Variants in CSRNP3 observed in about 807,000 individuals in gnomAD.
The protein encoded by CSRNP3 is cysteine/serine-rich nuclear protein 3.
In CSRNP3, 12 loss-of-function variants were observed where a neutral mutation model predicts 48.0. That is an observed-to-expected ratio of 0.25 (90% CI 0.16 to 0.41). The LOEUF is 0.41. CSRNP3 is among the 10% of genes least tolerant of loss of function. CSRNP3 has a pLI of 1.00. For synonymous variants in CSRNP3, 263 were observed against 269.7 expected (o/e 0.98, Z 0.24); for missense variants, 580 against 724.4 (o/e 0.80, Z 2.29).
At chr2:165,667,220 G>A (rs904620225) in intron 5 of CSRNP3, among the ~76,000 whole-genome samples, 8 of 152,164 alleles carry the variant, frequency 5.3e-5, no homozygotes, top group Non-Finnish European at 8.8e-5. Flanking sequence ...GTAATCCATG[G>A]GGTCTGAGAT....
intron 4 of CSRNP3, among the ~76,000 whole-genome samples, chr2:165,632,064 GA>G (rs1373048400): frequency 6.6e-6 from 1 of 152,186 alleles, no homozygotes; most frequent in East Asian, 1.9e-4. Context: ...GCCAGGCCTA[GA>G]AATGATAACA....
chr2:165,529,786 G>T (rs1300045968), intron 3 of CSRNP3, among the ~76,000 whole-genome samples: 1 of 152,128 alleles, frequency 6.6e-6, no homozygotes, highest in African/African-American at 2.4e-5. Context: ...GGGCACACAG[G>T]TGACTTTGTT....
intron 2 of CSRNP3, among the ~76,000 whole-genome samples, chr2:165,506,615 G>A (rs1684429712): frequency 6.6e-6 from 1 of 152,098 alleles, no homozygotes; most frequent in South Asian, 2.1e-4. Flanking sequence ...TCCAGTCTGA[G>A]GGGTGGCGGC....
chr2:165,474,597 G>T (rs1247553630), intron 1 of CSRNP3, among the ~76,000 whole-genome samples: 8 of 152,204 alleles, frequency 5.3e-5, no homozygotes, highest in Non-Finnish European at 1.0e-4. Flanking sequence ...TTAAGGCGCA[G>T]AGAGGACAAT....
intron 1 of CSRNP3, among the ~76,000 whole-genome samples, chr2:165,485,103 G>A (rs6743940): frequency 0.25 from 38,426 of 152,030 alleles, 5,054 homozygotes; most frequent in East Asian, 0.39. Context: ...GTTCTGGAGG[G>A]TGGAAGTCCA....
At chr2:165,527,500 C>T (rs989335834) in intron 3 of CSRNP3, among the ~76,000 whole-genome samples, 1 of 151,884 alleles carries the variant, frequency 6.6e-6, no homozygotes, top group Non-Finnish European at 1.5e-5. Flanking sequence ...CCACCGTGCC[C>T]GGCCACTATT....
chr2:165,600,437 G>T lies in CSRNP3; in HGVS notation c.148+5224G>T, dbSNP rs182261921. Among the ~76,000 whole-genome samples, 21 of 152,150 alleles carry T rather than the reference G, an allele frequency of 1.4e-4. 1 individual carries two copies. The East Asian group carries it at 3.7e-3, about 27-fold the overall frequency. On this transcript the variant is annotated intron_variant, in intron 4 of 6. Transcript: ENST00000651982. ...ATAGCAGCATGATTTATAGTCCTTT[G>T]GGTACATACCCAGTAATGAGATGGC...
rs200259838 is a variant in CSRNP3 at position 165,623,561 on chromosome 2, C to G, written c.148+28348C>G. Among the ~76,000 whole-genome samples, 8 of 152,148 alleles carry G rather than the reference C, an allele frequency of 5.3e-5. No individual in the cohort carries two copies. The East Asian group carries it at 1.5e-3, about 29-fold the overall frequency. On this transcript the variant is annotated intron_variant, in intron 4 of 6. Coordinates refer to ENST00000651982, the MANE Select transcript of CSRNP3 (RefSeq NM_001172173.2). ...GATGTGCATAGGTTCAATGCAAATA[C>G]TACACCATTTTATATCAGGAACTTG...
At chr2:165,547,788 G>T (rs539549262) in intron 3 of CSRNP3, among the ~76,000 whole-genome samples, 1 of 152,132 alleles carries the variant, frequency 6.6e-6, no homozygotes, top group East Asian at 1.9e-4. Context: ...GTAAGAAAAA[G>T]GATTCAGATT....
intron 5 of CSRNP3, among the ~76,000 whole-genome samples, chr2:165,674,505 A>C (rs1687386301): frequency 6.6e-6 from 1 of 151,630 alleles, no homozygotes; most frequent in Non-Finnish European, 1.5e-5. Flanking sequence ...TACATATGTA[A>C]AGAAATGCCA....
At chr2:165,646,230 A>G (rs1267120470) in intron 4 of CSRNP3, among the ~76,000 whole-genome samples, 1 of 152,096 alleles carries the variant, frequency 6.6e-6, no homozygotes, top group Non-Finnish European at 1.5e-5. Context: ...TTCCCAGCAA[A>G]GTTAAAAGTT....
chr2:165,654,381 A>G (rs1322760605), intron 4 of CSRNP3, among the ~76,000 whole-genome samples: 2 of 152,226 alleles, frequency 1.3e-5, no homozygotes, highest in Admixed American at 6.5e-5. Context: ...GTGTGTTACA[A>G]TGAATATATA....
intron 3 of CSRNP3, among the ~76,000 whole-genome samples, chr2:165,594,236 T>G (rs1249581833): frequency 6.6e-6 from 1 of 152,230 alleles, no homozygotes; most frequent in East Asian, 1.9e-4. Flanking sequence ...ATCACATACA[T>G]GTATCTAAGA....
Position 165,504,136 on chromosome 2 carries a change from G to C in CSRNP3, c.-113+9208G>C, listed in dbSNP as rs1274153853. Among the ~76,000 whole-genome samples the C allele has an allele frequency of 2.0e-5, 3 of 151,810 alleles. No individual in the cohort carries two copies. The South Asian group carries it at 6.2e-4, about 31-fold the overall frequency. On this transcript the variant is annotated intron_variant, in intron 2 of 6. Coordinates refer to ENST00000651982, the MANE Select transcript of CSRNP3 (RefSeq NM_001172173.2). ...TAATCTGGCAATGTATGTGCATTAA[G>C]AGACCTTTAAAAATGTTCAAGATTA...
intron 2 of CSRNP3, among the ~76,000 whole-genome samples, chr2:165,504,286 G>A (rs967099567): frequency 6.6e-6 from 1 of 151,998 alleles, no homozygotes; most frequent in African/African-American, 2.4e-5. Flanking sequence ...AATGCTGAAT[G>A]TTTTTGAAAC....
intron 2 of CSRNP3, among the ~76,000 whole-genome samples, chr2:165,498,652 A>G (rs1050970583): frequency 1.3e-5 from 2 of 152,124 alleles, no homozygotes; most frequent in Admixed American, 6.6e-5. Context: ...ATAAAATTTT[A>G]TTTATCTATA....
At chr2:165,562,846 A>G (rs1439643630) in intron 3 of CSRNP3, among the ~76,000 whole-genome samples, 2 of 152,178 alleles carry the variant, frequency 1.3e-5, no homozygotes, top group Non-Finnish European at 2.9e-5. Context: ...TAGAGTAATA[A>G]AGAGACATGA....
intron 4 of CSRNP3, among the ~76,000 whole-genome samples, chr2:165,627,023 T>C (rs1035857212): frequency 6.6e-6 from 1 of 152,156 alleles, no homozygotes; most frequent in South Asian, 2.1e-4. Flanking sequence ...TTAGAGAAGG[T>C]TAGTTCTTGA....
At position 165,681,507 on chromosome 2, in the gene CSRNP3, G is replaced by GA. The variant is rs1482136988; in HGVS notation, c.*1760dup. 2.0e-5 allele frequency: 3 copies of GA among 151,462 alleles called. No individual in the cohort carries two copies. Among genetic ancestry groups the GA allele is most frequent in the Non-Finnish European group, 2.9e-5 (2 of 67,878 alleles). 9.4% of individuals were successfully genotyped at this position (151,462 alleles called of 1,614,324 possible). ...AGTTTCTACTAAACTTTGTTTTGGG[G>GA]AAAAAATGTTTACTTGGCAGCTCTT... is the stretch of plus-strand genomic sequence containing the variant. On this transcript the variant is annotated 3_prime_UTR_variant, in exon 7 of 7. Coordinates refer to ENST00000651982, the MANE Select transcript of CSRNP3 (RefSeq NM_001172173.2).
Sources: allele counts gnomAD v4.1 joint callset (sites outside exome capture counted in the v4.1 genomes callset), GRCh38; gene constraint gnomAD v4.1.1; transcripts MANE v1.5; gene names NCBI Gene and HGNC (gene_info 2026-07-23, HGNC 2026-07-21).